The following TCF20 variants were observed in gnomAD, a reference collection of about 807,000 sequenced individuals.
TCF20 encodes SPRE-binding protein.
In TCF20, 3 loss-of-function variants were observed where a neutral mutation model predicts 148.6. The observed-to-expected ratio is 0.02, with a 90% CI of 0.01 to 0.05. The LOEUF is 0.05. Ranked by LOEUF, TCF20 falls within the 10% of genes least tolerant of loss-of-function variation. The probability of loss-of-function intolerance (pLI) is 1.00; values close to 1 mark genes in which losing one functional copy is unlikely to be tolerated. For synonymous variants in TCF20, 1,049 were observed against 909.5 expected, an observed-to-expected ratio of 1.15 and a Z score of -2.76; for missense variants, 2,350 against 2,429.3, an observed-to-expected ratio of 0.97 and a Z score of 0.69.
Position 42,270,451 on chromosome 22 carries a change from C to T in TCF20, c.-149G>A, listed in dbSNP as rs1328571167. On this transcript the variant is annotated 5_prime_UTR_variant, in exon 1 of 6. Transcript: ENST00000677622. Reference sequence around the variant, plus strand: ...GTGGGGGTGGGGGTGGCTCCGCCGCCTCCAGCTCGGGCGCCCGGGCCGGCG... The same window carrying T: ...GTGGGGGTGGGGGTGGCTCCGCCGCTTCCAGCTCGGGCGCCCGGGCCGGCG... 2.1e-5 allele frequency among the ~76,000 whole-genome samples: 3 copies of T among 144,248 alleles called. No homozygotes were observed. Among genetic ancestry groups the T allele is most frequent in the Non-Finnish European group, 3.1e-5 (2 of 65,040 alleles). The allele number at this position is 144,248 out of a possible 152,430, so 94.6% of individuals were successfully genotyped here.
At chr22:42,182,454 G>C (rs1490772912) in intron 2 of TCF20, among the ~76,000 whole-genome samples, 1 of 152,176 alleles carries the variant, frequency 6.6e-6, no homozygotes, top group Non-Finnish European at 1.5e-5. Flanking sequence ...CACACAGCAG[G>C]CCTCATCACC....
rs781181631 is a variant in TCF20, at chr22:42,213,966, C to T, written c.1340G>A (p.Arg447Gln). 56 of 1,614,180 alleles carry T rather than the reference C, an allele frequency of 3.5e-5. No individual in the cohort carries two copies. In the South Asian group the frequency reaches 4.0e-4, roughly 11 times the overall value. Residue 447 changes from arginine to glutamine, a missense_variant, in exon 2 of 6, where the codon CGA (arginine) becomes CAA (glutamine). Around this residue, in one of 7 missense-constraint regions of TCF20, gnomAD observed 1,641 missense variants for 1,662.6 expected, o/e 0.99. Transcript: ENST00000677622. ...GFGLEGVPEK[R>Q]LTDPGLSSLS... is the part of the protein sequence containing the mutation. ...ACTACTCAACCCAGGATCTGTCAGTCGCTTTTCTGGTACCCCTTCTAGTCC... is the reference window on the plus strand; with the variant it reads ...ACTACTCAACCCAGGATCTGTCAGTTGCTTTTCTGGTACCCCTTCTAGTCC...
upstream of TCF20, among the ~76,000 whole-genome samples, chr22:42,287,894 G>A (rs541306122): frequency 4.2e-3 from 642 of 152,276 alleles, 2 homozygotes; most frequent in Middle Eastern, 0.044. Flanking sequence ...AGAAAAAAAA[G>A]TCCTGCAAAT....
chr22:42,170,095 G>T (rs5751233), intron 3 of TCF20, among the ~76,000 whole-genome samples, 199 bp from the exon 4 acceptor site: 8,496 of 151,990 alleles, frequency 0.056, 522 homozygotes, highest in East Asian at 0.33. Context: ...ATTAACATTT[G>T]AAAAGAGTTA....
At chr22:42,180,529 T>C (rs1373614071) in intron 2 of TCF20, among the ~76,000 whole-genome samples, 2 of 152,206 alleles carry the variant, frequency 1.3e-5, no homozygotes, top group African/African-American at 4.8e-5. Context: ...CTACTAAGGA[T>C]GCTGGCTCTT....
Position 42,211,421 on chromosome 22 carries a change from T to C in TCF20, c.3885A>G (p.Ala1295=), listed in dbSNP as rs1569146321. 2.5e-6 allele frequency: 4 copies of C among 1,614,126 alleles called. No homozygotes were observed. The highest frequency in any genetic ancestry group is 2.2e-5 in the East Asian group (1 of 44,898). Residue 1295 remains alanine (A), a synonymous_variant, in exon 2 of 6, where the codon GCA becomes GCG. Coordinates refer to ENST00000677622, the MANE Select transcript of TCF20 (RefSeq NM_001378418.1). ...LHSSKEGADK[A]FNSYAHLSHS... is the part of the protein sequence containing the mutation. ...GAGAAAGATGGGCATAGGAATTGAATGCTTTATCAGCGCCTTCTTTTGATG... is the reference window on the plus strand; with the variant it reads ...GAGAAAGATGGGCATAGGAATTGAACGCTTTATCAGCGCCTTCTTTTGATG...
intron 1 of TCF20, among the ~76,000 whole-genome samples, chr22:42,333,572 C>T (rs1928015086): frequency 6.6e-6 from 1 of 152,254 alleles, no homozygotes; most frequent in African/African-American, 2.4e-5. Context: ...CCAGTGGTCC[C>T]CACCTGCCTC....
rs951921917 is a variant in TCF20 at position 42,338,053 on chromosome 22, G to A, written c.-37+5426C>T. On this transcript the variant is annotated intron_variant, in intron 1 of 1. Transcript: ENST00000515426. This position sits in a 1 kb window ranked among gnomAD's most constrained non-coding sequence, Gnocchi z 4.0. ...ACTGTGGCCAGAGGGAGGGGGTACT[G>A]GGCCCCACCTGGGTCCAGTGGGGGC... Among the ~76,000 whole-genome samples, 1 of 152,134 alleles carries A rather than the reference G, an allele frequency of 6.6e-6. No individual in the cohort carries two copies. Among genetic ancestry groups the A allele is most frequent in the Admixed American group, 6.5e-5 (1 of 15,272 alleles).
chr22:42,343,273 A>T (rs768217379), intron 1 of TCF20, among the ~76,000 whole-genome samples: 5 of 152,118 alleles, frequency 3.3e-5, no homozygotes, highest in Non-Finnish European at 7.4e-5. Context: ...CCCCTACTTC[A>T]GAGGAACGGT....
chr22:42,181,598 C>CTTTTT (rs34232368), intron 2 of TCF20, among the ~76,000 whole-genome samples: 52 of 136,520 alleles, frequency 3.8e-4, no homozygotes, highest in African/African-American at 1.4e-3. Flanking sequence ...TCCCCCCAAC[C>CTTTTT]TTTTTTTTTT....
Position 42,224,534 on chromosome 22 carries a change from C to CAAAA in TCF20, c.-36-9197_-36-9194dup, listed in dbSNP as rs66858906. 3.4e-3 allele frequency among the ~76,000 whole-genome samples: 135 copies of CAAAA among 39,568 alleles called. 17 individuals carry two copies. Among genetic ancestry groups the CAAAA allele is most frequent in the Non-Finnish European group, 4.8e-3 (103 of 21,378 alleles). 26.0% of individuals were successfully genotyped at this position (39,568 alleles called of 152,430 possible). On this transcript the variant is annotated intron_variant, in intron 1 of 5. Transcript: ENST00000677622. ...TGGTTAGGTTAGGCTAAAGCTGGTA[C>CAAAA]AAAAAAAAAAAAAAAAAAAAAAAAA...
chr22:42,285,619 TTTTTA>T (rs899663684), upstream of TCF20, among the ~76,000 whole-genome samples: 4 of 152,124 alleles, frequency 2.6e-5, no homozygotes, highest in African/African-American at 4.8e-5. The surrounding 1 kb of genome is among the most constrained non-coding windows in gnomAD (Gnocchi z 4.2). Context: ...TTGGTTTTTA[TTTTTA>T]TTTTATTTTA....
intron 5 of TCF20, 101 bp downstream of exon 5, chr22:42,168,508 T>G: frequency 2.7e-6 from 4 of 1,471,090 alleles, no homozygotes; most frequent in Admixed American, 4.4e-5. Flanking sequence ...ATCCACAGGA[T>G]GAAATGCTGG....
chr22:42,180,711 G>A (rs1216982315), intron 2 of TCF20, among the ~76,000 whole-genome samples: 1 of 152,176 alleles, frequency 6.6e-6, no homozygotes, highest in South Asian at 2.1e-4. Context: ...AAGCCCAAGC[G>A]CTCGCCACGC....
intron 1 of TCF20, among the ~76,000 whole-genome samples, chr22:42,235,242 T>C (rs765494975): frequency 4.6e-5 from 7 of 152,156 alleles, no homozygotes; most frequent in East Asian, 1.9e-4. Flanking sequence ...TGTATAAATG[T>C]AACAGACACT....
intron 3 of TCF20, among the ~76,000 whole-genome samples, chr22:42,172,729 A>G (rs903650887): frequency 4.3e-4 from 66 of 152,196 alleles, no homozygotes; most frequent in African/African-American, 1.5e-3. Flanking sequence ...GAAAAACAAG[A>G]AGGGTTTAAT....
upstream of TCF20, chr22:42,274,105 C>T (rs1001587): frequency 0.18 from 27,330 of 152,662 alleles, 2,693 homozygotes; most frequent in East Asian, 0.33. Context: ...TGGGAGGCGC[C>T]GCCTGCTAAC....
rs1926094917 is a variant in TCF20 at position 42,262,740 on chromosome 22, T to C, written c.-37+7599A>G. Among the ~76,000 whole-genome samples the C allele has an allele frequency of 3.3e-5, 5 of 152,046 alleles. No homozygotes were observed. In the South Asian group the frequency reaches 1.0e-3, roughly 32 times the overall value. Reference sequence around the variant, plus strand: ...AGAGACACTGAGCTCAGCAGGCTGATGAGGAAATACATGGTCCCGCTCTGA... The same window carrying C: ...AGAGACACTGAGCTCAGCAGGCTGACGAGGAAATACATGGTCCCGCTCTGA... On this transcript the variant is annotated intron_variant, in intron 1 of 5. Transcript: ENST00000677622.
intron 1 of TCF20, among the ~76,000 whole-genome samples, chr22:42,256,472 GTT>G (rs59215167): frequency 1.4e-5 from 2 of 139,032 alleles, no homozygotes; most frequent in Non-Finnish European, 1.6e-5. Context: ...ATGTAGCAAA[GTT>G]TTTTTTTTTT....
Sources: allele counts gnomAD v4.1 joint callset (sites outside exome capture counted in the v4.1 genomes callset), GRCh38; gene constraint gnomAD v4.1.1; regional missense constraint gnomAD v4.1.1; non-coding constraint Gnocchi (gnomAD v3.1); transcripts MANE v1.5; gene names NCBI Gene and HGNC (gene_info 2026-07-23, HGNC 2026-07-21).